Variants in MAN2A1 observed in about 807,000 individuals in gnomAD.
The protein encoded by MAN2A1 is alpha-mannosidase 2.
MAN2A1 carries 76 observed loss-of-function variants against 142.6 expected under a neutral mutation model. The ratio of observed to expected loss-of-function variants is 0.53; its 90% CI spans 0.44 to 0.65. MAN2A1 has a LOEUF of 0.65. Ranked by LOEUF, MAN2A1 falls within the 30% of genes least tolerant of loss-of-function variation. MAN2A1 has a pLI of 0.00. For missense variants in MAN2A1, 1,311 were observed against 1,365.1 expected (o/e 0.96, Z 0.62); for synonymous variants, 559 against 473.2 (o/e 1.18, Z -2.35).
In MAN2A1 at chr5:109,843,870, T is replaced by C. The variant is rs114856162; in HGVS notation, c.2700+1409T>C. Among the ~76,000 whole-genome samples the C allele has an allele frequency of 5.0e-3, 765 of 152,342 alleles. 6 individuals are homozygous for C. The highest frequency in any genetic ancestry group is 0.017 in the African/African-American group (721 of 41,584). ...GAGCATGTTTTTAAAACAAGTGTTT[T>C]AGAAATTTCTGGCTGTGAATAGAAA... On this transcript the variant is annotated intron_variant, in intron 17 of 21. Coordinates refer to ENST00000261483, the MANE Select transcript of MAN2A1 (RefSeq NM_002372.4).
At chr5:109,789,659 A>T (rs1753687805) in intron 12 of MAN2A1, 132 bp downstream of exon 12, 1 of 604,290 alleles carries the variant, frequency 1.7e-6, no homozygotes, top group Non-Finnish European at 2.9e-6. Flanking sequence ...TAAAAAATGG[A>T]TTTTCTTTCA....
chr5:109,735,887 T>TTG (rs1398228884), intron 4 of MAN2A1, among the ~76,000 whole-genome samples: 10 of 148,498 alleles, frequency 6.7e-5, no homozygotes, highest in Non-Finnish European at 1.5e-4. Context: ...AGTTTTTTTT[T>TTG]TTTTTTTTTT....
intron 5 of MAN2A1, among the ~76,000 whole-genome samples, chr5:109,757,376 A>G (rs1752716729): frequency 6.6e-6 from 1 of 152,160 alleles, no homozygotes; most frequent in African/African-American, 2.4e-5. Flanking sequence ...GTGAGTTTTA[A>G]CAATGTACAT....
At chr5:109,821,434 CT>C (rs1754619912) in intron 15 of MAN2A1, among the ~76,000 whole-genome samples, 1 of 152,136 alleles carries the variant, frequency 6.6e-6, no homozygotes, top group Non-Finnish European at 1.5e-5. Flanking sequence ...CTGAGAATAA[CT>C]TTCTAGAAGA....
rs751755781 is a variant in MAN2A1, at chr5:109,823,791, C to T, written c.2520C>T (p.Cys840=). 64 of 1,607,834 alleles carry T rather than the reference C, an allele frequency of 4.0e-5. 1 individual carries two copies. In the Admixed American group the frequency reaches 5.2e-4, roughly 13 times the overall value. ...GAAGGATTTATTCGGAAGTGACTTGCTTTTTTGACCATGTTACTCATAGAG... is the reference window on the plus strand; with the variant it reads ...GAAGGATTTATTCGGAAGTGACTTGTTTTTTTGACCATGTTACTCATAGAG... ...THGRIYSEVT[C]FFDHVTHRVR... The change falls in exon 16 of 22, where the codon TGC becomes TGT. Residue 840 remains cysteine, a synonymous_variant. Transcript: ENST00000261483.
At chr5:109,858,829 G>A (rs1755687566) in intron 20 of MAN2A1, among the ~76,000 whole-genome samples, 1 of 152,206 alleles carries the variant, frequency 6.6e-6, no homozygotes, top group Non-Finnish European at 1.5e-5. Flanking sequence ...ACCTCAGTTG[G>A]TTTTCTTGAC....
At chr5:109,767,470 GTTGTGACT>G in intron 5 of MAN2A1, 57 bp from the exon 6 acceptor site, 1 of 1,357,232 alleles carries the variant, frequency 7.4e-7, no homozygotes, top group Non-Finnish European at 1.0e-6. Context: ...GTCTGAATGT[GTTGTGACT>G]TCTTTTTATT....
intron 9 of MAN2A1, among the ~76,000 whole-genome samples, chr5:109,782,863 C>T (rs978364589): frequency 1.3e-5 from 2 of 151,688 alleles, no homozygotes; most frequent in African/African-American, 4.8e-5. Context: ...ATAATCAAAT[C>T]GTAATTTGTA....
chr5:109,800,896 T>C (rs560771857), intron 12 of MAN2A1, among the ~76,000 whole-genome samples: 30 of 152,292 alleles, frequency 2.0e-4, no homozygotes, highest in African/African-American at 7.2e-4. Flanking sequence ...ATGTAATCAT[T>C]AGGCAATTAA....
At chr5:109,788,588 G>A (rs1454967860) in intron 10 of MAN2A1, among the ~76,000 whole-genome samples, 1 of 151,804 alleles carries the variant, frequency 6.6e-6, no homozygotes, top group East Asian at 1.9e-4. Context: ...TTCTAAAGTA[G>A]CAAATCATTG....
intron 10 of MAN2A1, among the ~76,000 whole-genome samples, chr5:109,787,116 G>A (rs1431570483): frequency 6.6e-6 from 1 of 152,040 alleles, no homozygotes; most frequent in Non-Finnish European, 1.5e-5. Context: ...GTAATAGTCA[G>A]CTTAAAAGTA....
Position 109,739,837 on chromosome 5 carries a change from C to G in MAN2A1, c.707+10324C>G, listed in dbSNP as rs1264891591. ...GAAGTCAGCTCCTCTTCCTTGTTGC[C>G]TAGCCCAGACAAGTCAGCTGTGACC... On this transcript the variant is annotated intron_variant, in intron 4 of 21. Transcript: ENST00000261483. Among the ~76,000 whole-genome samples the G allele has an allele frequency of 2.6e-5, 4 of 152,180 alleles. No individual in the cohort carries two copies. In the East Asian group the frequency reaches 7.7e-4, roughly 29 times the overall value.
intron 12 of MAN2A1, among the ~76,000 whole-genome samples, chr5:109,792,023 G>A (rs1001979125): frequency 1.3e-5 from 2 of 151,928 alleles, no homozygotes; most frequent in African/African-American, 4.8e-5. Flanking sequence ...TATCATGTGT[G>A]GATTCGTAGT....
At chr5:109,691,403 G>A (rs1397378580) in intron 1 of MAN2A1, among the ~76,000 whole-genome samples, 1 of 152,212 alleles carries the variant, frequency 6.6e-6, no homozygotes, top group Admixed American at 6.5e-5. Flanking sequence ...AAATTGCGGT[G>A]AAACTGGGTA....
chr5:109,804,693 A>T (rs1041220684), intron 12 of MAN2A1, among the ~76,000 whole-genome samples: 26 of 152,174 alleles, frequency 1.7e-4, no homozygotes, highest in Non-Finnish European at 3.8e-4. Flanking sequence ...TTTACCAGTC[A>T]TATGATGGCT....
At position 109,730,050 on chromosome 5, in the gene MAN2A1, TG is replaced by T. The variant is rs201462168; in HGVS notation, c.707+539del. Among the ~76,000 whole-genome samples, 1,314 of 152,112 alleles carry T rather than the reference TG, an allele frequency of 8.6e-3. 20 individuals carry two copies. Among genetic ancestry groups the T allele is most frequent in the African/African-American group, 0.03 (1,244 of 41,508 alleles). On this transcript the variant is annotated intron_variant, in intron 4 of 21. Transcript: ENST00000261483. ...CACAAATGGAATTACTAGGTCAAAG[TG>T]GCTTAATAGTTTAAAAGTTTTTTTT...
At chr5:109,863,909 G>A (rs1018285296) in intron 20 of MAN2A1, 2 of 152,138 alleles carry the variant, frequency 1.3e-5, no homozygotes, top group South Asian at 2.1e-4. Context: ...AATCTTAGCA[G>A]TACCCCTACA....
At chr5:109,709,307 A>G (rs1230804039) in intron 1 of MAN2A1, among the ~76,000 whole-genome samples, 2 of 152,232 alleles carry the variant, frequency 1.3e-5, no homozygotes, top group Non-Finnish European at 2.9e-5. Flanking sequence ...AACATGTTAC[A>G]TTACTGAGAA....
intron 21 of MAN2A1, among the ~76,000 whole-genome samples, chr5:109,866,107 C>T (rs891889649): frequency 6.6e-6 from 1 of 152,176 alleles, no homozygotes; most frequent in South Asian, 2.1e-4. Flanking sequence ...TTCTTTTACC[C>T]TACCCTGCTT....
Sources: gnomAD v4.1 joint callset for allele counts (sites outside exome capture counted in the v4.1 genomes callset) on GRCh38, gnomAD v4.1.1 for gene constraint, MANE v1.5 for transcripts, NCBI Gene and HGNC (gene_info 2026-07-23, HGNC 2026-07-21) for gene names.